The following PPL variants were observed in gnomAD, a reference collection of about 807,000 sequenced individuals.
The protein encoded by PPL is periplakin.
In PPL, 198 loss-of-function variants were observed where a neutral mutation model predicts 194.4. That is an observed-to-expected ratio of 1.02 (90% CI 0.91 to 1.15). The LOEUF (loss-of-function observed/expected upper bound fraction) is 1.15, where lower values mean the gene tolerates loss of function less well. Ranked by LOEUF, PPL falls within the 50% of genes most tolerant of loss-of-function variation. The pLI, the probability that PPL is intolerant of heterozygous loss-of-function variation, is 0.00. For synonymous variants in PPL, 1,220 were observed against 972.4 expected (o/e 1.25, Z -4.74); for missense variants, 2,885 against 2,294.8 (o/e 1.26, Z -5.25).
chr16:4,912,080 C>G (rs894922262), intron 1 of PPL, among the ~76,000 whole-genome samples: 6 of 152,184 alleles, frequency 3.9e-5, no homozygotes, highest in African/African-American at 1.4e-4. Context: ...CCGTAAAATT[C>G]ACCTGTTTAA....
intron 2 of PPL, among the ~76,000 whole-genome samples, chr16:4,905,283 G>A (rs1455959649): frequency 1.3e-5 from 2 of 152,218 alleles, no homozygotes; most frequent in African/African-American, 4.8e-5. Context: ...ACTACGGACC[G>A]TGCTCCATCT....
In PPL at chr16:4,889,247, T is replaced by TGG. The variant is rs1567992868; in HGVS notation, c.2314-187_2314-186insCC. ...CAGTTTTTTTGTTGTTGTTGTTTTT[T>TGG]TTTTTTTTTTTTTTTTTTTTTTTTT... On this transcript the variant is annotated intron_variant, in intron 18 of 21. Transcript: ENST00000345988. 5.0e-3 allele frequency among the ~76,000 whole-genome samples: 180 copies of TGG among 36,222 alleles called. 18 individuals are homozygous for TGG. The highest frequency in any genetic ancestry group is 8.5e-3 in the Non-Finnish European group (120 of 14,170). 23.8% of individuals were successfully genotyped at this position (36,222 alleles called of 152,430 possible). A position where few individuals can be genotyped will look rare whatever the true frequency, so the allele number is the denominator to read the frequency against.
chr16:4,921,055 C>T (rs1311329824), intron 1 of PPL, among the ~76,000 whole-genome samples: 1 of 152,190 alleles, frequency 6.6e-6, no homozygotes, highest in Non-Finnish European at 1.5e-5. Flanking sequence ...TTTTGCAAGC[C>T]TCTACGAGTC....
chr16:4,929,044 G>C (rs986154273), intron 1 of PPL, among the ~76,000 whole-genome samples: 1 of 114,456 alleles, frequency 8.7e-6, no homozygotes, highest in African/African-American at 3.3e-5. Context: ...AAAAAAAAAA[G>C]ATCTGCCGAG....
intron 1 of PPL, among the ~76,000 whole-genome samples, chr16:4,925,604 C>A (rs1448977185): frequency 6.6e-6 from 1 of 152,128 alleles, no homozygotes; most frequent in Non-Finnish European, 1.5e-5. Context: ...TAGGGCTGGG[C>A]TCAATAAATA....
rs750628497 is a variant in PPL at position 4,888,983 on chromosome 16, C to T, written c.2392G>A (p.Val798Ile). The change falls in exon 19 of 22, where the codon GTA (valine) becomes ATA (isoleucine). Residue 798 changes from valine (V) to isoleucine (I), a missense_variant. Val to Ile is a conservative substitution (Grantham distance 29). Transcript: ENST00000345988. Reference sequence around the variant, plus strand: ...GCGGAAGTTTCCCGGCTCACCTTTACAGCTTGCTGGTACTGCTGGGAATTG... The same window carrying T: ...GCGGAAGTTTCCCGGCTCACCTTTATAGCTTGCTGGTACTGCTGGGAATTG... ...CANSQQYQQAVKDYELEAEKL... is the reference protein window; with the variant it reads ...CANSQQYQQAIKDYELEAEKL... The T allele has an allele frequency of 2.5e-6, 4 of 1,613,216 alleles. No homozygotes were observed. Among genetic ancestry groups the T allele is most frequent in the African/African-American group, 1.3e-5 (1 of 74,904 alleles).
chr16:4,932,530 C>T lies in PPL; in HGVS notation c.62+4454G>A, dbSNP rs1438204032. Among the ~76,000 whole-genome samples the T allele has an allele frequency of 3.9e-5, 6 of 152,060 alleles. No individual in the cohort carries two copies. The South Asian group carries it at 8.3e-4, about 21-fold the overall frequency. ...GTTCAAGTGATTCTCCTGCCTCAGCCTCCCCAGTATCTGGCTGGGATTACA... is the reference window on the plus strand; with the variant it reads ...GTTCAAGTGATTCTCCTGCCTCAGCTTCCCCAGTATCTGGCTGGGATTACA... On this transcript the variant is annotated intron_variant, in intron 1 of 21. Coordinates refer to ENST00000345988, the MANE Select transcript of PPL (RefSeq NM_002705.5).
intron 9 of PPL, among the ~76,000 whole-genome samples, chr16:4,896,041 C>T (rs981699734): frequency 6.6e-6 from 1 of 152,228 alleles, no homozygotes; most frequent in Non-Finnish European, 1.5e-5. Flanking sequence ...CTAGGAACAT[C>T]CAGACTTAAT....
At chr16:4,908,390 A>ATAAAATGAGAAGGTT (rs889804121) in intron 2 of PPL, among the ~76,000 whole-genome samples, 7 of 150,840 alleles carry the variant, frequency 4.6e-5, no homozygotes, top group South Asian at 4.2e-4. Context: ...CTTCAGGGAA[A>ATAAAATGAGAAGGTT]TAAAATGAGA....
chr16:4,913,797 C>G (rs928614851), intron 1 of PPL, among the ~76,000 whole-genome samples: 1 of 152,264 alleles, frequency 6.6e-6, no homozygotes, highest in African/African-American at 2.4e-5. Context: ...CCTGTCTCCA[C>G]TGAAGACCCA....
In PPL at chr16:4,910,050, C is replaced by T. The variant is rs188088396; in HGVS notation, c.162+800G>A. 2.4e-4 allele frequency among the ~76,000 whole-genome samples: 37 copies of T among 152,220 alleles called. No homozygotes were observed. The East Asian group carries it at 6.4e-3, about 26-fold the overall frequency. ...AAAACAGGCATCAACCCAATCGCACCGGGCTGGCGCTGGTGGAAGGTTTAA... is the reference window on the plus strand; with the variant it reads ...AAAACAGGCATCAACCCAATCGCACTGGGCTGGCGCTGGTGGAAGGTTTAA... On this transcript the variant is annotated intron_variant, in intron 2 of 21. Transcript: ENST00000345988.
chr16:4,894,670 G>C, intron 11 of PPL, 52 bp from the exon 12 acceptor site: 5 of 1,586,356 alleles, frequency 3.2e-6, no homozygotes, highest in Non-Finnish European at 4.3e-6. Flanking sequence ...TGAGGGCCTG[G>C]GAGCCCGGTT....
At position 4,936,967 on chromosome 16, in the gene PPL, T is replaced by C. The variant is rs144222774; in HGVS notation, c.62+17A>G. 1.9e-6 allele frequency: 3 copies of C among 1,584,386 alleles called. No individual in the cohort carries two copies. The highest frequency in any genetic ancestry group is 1.4e-5 in the African/African-American group (1 of 72,150). On this transcript the variant is annotated intron_variant, in intron 1 of 21. Coordinates refer to ENST00000345988, the MANE Select transcript of PPL (RefSeq NM_002705.5). Reference sequence around the variant, plus strand: ...GGGCAAGAGCGTCCCGGAGCGGAGCTGTGGGCGCCTCCTCACCTCCGGGTC... The same window carrying C: ...GGGCAAGAGCGTCCCGGAGCGGAGCCGTGGGCGCCTCCTCACCTCCGGGTC...
Position 4,899,132 on chromosome 16 carries a change from G to A in PPL, c.769-12C>T, listed in dbSNP as rs751197662. 2 of 1,613,534 alleles carry A rather than the reference G, an allele frequency of 1.2e-6. No homozygotes were observed. The highest frequency in any genetic ancestry group is 1.1e-5 in the South Asian group (1 of 91,076). ...CGGTTGATGAAATTCTGCAGTGGGG[G>A]GCAGTGGAGGGGCCTCAGTGCCCAG... On this transcript the variant is annotated splice_polypyrimidine_tract_variant and intron_variant, in intron 7 of 21. Transcript: ENST00000345988.
At chr16:4,917,365 G>A (rs2088943708) in intron 1 of PPL, among the ~76,000 whole-genome samples, 2 of 152,116 alleles carry the variant, frequency 1.3e-5, no homozygotes, top group Non-Finnish European at 2.9e-5. Context: ...ACAGCCTCAG[G>A]AACCTCGAGA....
rs2142334587 is a variant in PPL, at chr16:4,889,015, ATCT to A, written c.2357_2359del (p.Lys786del). On this transcript the variant is annotated inframe_deletion, in exon 19 of 22. Transcript: ENST00000345988. ...CTGGTACTGCTGGGAATTGGCACAG[ATCT>A]TCTGTACTTCCTGCTCCCTACTTGC... is the stretch of plus-strand genomic sequence containing the variant. 2 of 1,613,714 alleles carry A rather than the reference ATCT, an allele frequency of 1.2e-6. No individual in the cohort carries two copies. Among genetic ancestry groups the A allele is most frequent in the Non-Finnish European group, 1.7e-6 (2 of 1,179,898 alleles).
At chr16:4,933,912 C>T (rs8046690) in intron 1 of PPL, among the ~76,000 whole-genome samples, 7,649 of 152,302 alleles carry the variant, frequency 0.05, 586 homozygotes, top group African/African-American at 0.16. Context: ...GTAATCGTCA[C>T]AGATGCTATT....
At chr16:4,910,495 C>T (rs1173151195) in intron 2 of PPL, among the ~76,000 whole-genome samples, 1 of 152,098 alleles carries the variant, frequency 6.6e-6, no homozygotes, top group East Asian at 1.9e-4. Context: ...CCATGGCACT[C>T]CTCCAGGCAG....
At chr16:4,920,359 G>GAAAA (rs1311593249) in intron 1 of PPL, among the ~76,000 whole-genome samples, 1 of 71,610 alleles carries the variant, frequency 1.4e-5, no homozygotes, top group Non-Finnish European at 4.7e-5. Context: ...AAGAAAGAAA[G>GAAAA]AAAGAAAGAA....
Sources: gnomAD v4.1 joint callset for allele counts (sites outside exome capture counted in the v4.1 genomes callset) on GRCh38, gnomAD v4.1.1 for gene constraint, MANE v1.5 for transcripts, NCBI Gene and HGNC (gene_info 2026-07-23, HGNC 2026-07-21) for gene names.